ITSN2: variants seen among roughly 807,000 people sequenced by gnomAD.
The protein encoded by ITSN2 is intersectin-2.
In ITSN2, 156 loss-of-function variants were observed where a neutral mutation model predicts 243.7. That is an observed-to-expected ratio of 0.64 (90% CI 0.56 to 0.73). ITSN2 has a LOEUF of 0.73. ITSN2 is among the 30% of genes least tolerant of loss of function. The pLI is 0.00. For synonymous variants in ITSN2, 703 were observed against 699.9 expected (o/e 1.00, Z -0.07); for missense variants, 1,801 against 1,996.1 (o/e 0.90, Z 1.86).
rs1048422565 is a variant in ITSN2, at chr2:24,203,495, G to T, written c.*131C>A. ...TAGCTATTTAGTGTGCAGGAAAACA[G>T]AGCCCCCAGCGTGCATGGCTTTGTG... On this transcript the variant is annotated 3_prime_UTR_variant, in exon 40 of 40. Coordinates refer to ENST00000355123, the MANE Select transcript of ITSN2 (RefSeq NM_006277.3). The T allele has an allele frequency of 4.6e-6, 4 of 869,436 alleles. No individual in the cohort carries two copies. In the African/African-American group the frequency reaches 5.1e-5, roughly 11 times the overall value. 53.9% of individuals were successfully genotyped at this position (869,436 alleles called of 1,614,324 possible).
rs1389362240 is a variant in ITSN2, at chr2:24,271,763, T to TA, written c.2257+2dup. The TA allele has an allele frequency of 1.3e-6, 2 of 1,578,474 alleles. No homozygotes were observed. Among genetic ancestry groups the TA allele is most frequent in the Non-Finnish European group, 1.7e-6 (2 of 1,168,634 alleles). ...TACTGTCTCAAAGTATCCTTATCCT[T>TA]ACGTTTTTTCTCCTCAGCTTTCAAA... On this transcript the variant is annotated splice_region_variant and intron_variant, in intron 19 of 39. Transcript: ENST00000355123.
rs186867296 is a variant in ITSN2 at position 24,225,628 on chromosome 2, C to T, written c.3578-4562G>A. On this transcript the variant is annotated intron_variant, in intron 29 of 39. Coordinates refer to ENST00000355123, the MANE Select transcript of ITSN2 (RefSeq NM_006277.3). This position sits in a 1 kb window ranked among gnomAD's most constrained non-coding sequence, Gnocchi z 4.2. ...CCTGCTGCCTGGCTCTCTGCTCCCC[C>T]CAGTCCAGCAAATGCCAAAATAGGC... Among the ~76,000 whole-genome samples the T allele has an allele frequency of 6.6e-6, 1 of 152,152 alleles. No homozygotes were observed. Among genetic ancestry groups the T allele is most frequent in the Non-Finnish European group, 1.5e-5 (1 of 68,028 alleles).
At position 24,212,674 on chromosome 2, in the gene ITSN2, G is replaced by A; in HGVS notation, c.4065C>T (p.Thr1355=). 6.2e-7 allele frequency: 1 copy of A among 1,613,014 alleles called. No individual in the cohort carries two copies. Among genetic ancestry groups the A allele is most frequent in the Non-Finnish European group, 8.5e-7 (1 of 1,179,606 alleles). Residue 1355 remains threonine, a synonymous_variant, in exon 33 of 40, where the codon ACC becomes ACT. Coordinates refer to ENST00000355123, the MANE Select transcript of ITSN2 (RefSeq NM_006277.3). ...CACTTCTGATGAGCAGTGGGTAGCG[G>A]GTGATCCTCTGCATGGGTTTCAGCA... ...SFLLKPMQRI[T]RYPLLIRSIL...
rs1233625276 is a variant in ITSN2, at chr2:24,209,906, G to A, written c.4385C>T (p.Thr1462Ile). The A allele has an allele frequency of 4.3e-6, 7 of 1,614,064 alleles. No individual in the cohort carries two copies. The highest frequency in any genetic ancestry group is 3.3e-5 in the South Asian group (3 of 91,094). ...AACAGCAAACTGCTTGACCATGTAG[G>A]TAAGAAGCAGGAAGTCATTGAAGAG... Reference protein sequence around the residue: ...GFLFNDFLLLTYMVKQFAVSS... With the variant: ...GFLFNDFLLLIYMVKQFAVSS... The change falls in exon 35 of 40, where the codon ACC (threonine) becomes ATC (isoleucine). Residue 1462 changes from threonine to isoleucine, a missense_variant. Coordinates refer to ENST00000355123, the MANE Select transcript of ITSN2 (RefSeq NM_006277.3).
At chr2:24,284,569 C>A (rs1679223628) in intron 17 of ITSN2, among the ~76,000 whole-genome samples, 194 bp downstream of exon 17, 1 of 152,108 alleles carries the variant, frequency 6.6e-6, no homozygotes. Flanking sequence ...GGCAACCTTA[C>A]TGACTTCTGG....
At position 24,209,176 on chromosome 2, in the gene ITSN2, A is replaced by G. The variant is rs560829326; in HGVS notation, c.4519T>C (p.Ser1507Pro). 4 of 1,614,082 alleles carry G rather than the reference A, an allele frequency of 2.5e-6. No homozygotes were observed. The African/African-American group carries it at 5.3e-5, about 22-fold the overall frequency. The change falls in exon 36 of 40, where the codon TCC becomes CCC. Residue 1507 changes from serine to proline, a missense_variant. Ser to Pro is a moderately conservative substitution (Grantham distance 74). Coordinates refer to ENST00000355123, the MANE Select transcript of ITSN2 (RefSeq NM_006277.3). ...ATGTGGAAGACAGGCTCATCGCTGG[A>G]AGGGTCTGTGGGCAGTTTCACCAAG... ...EVLVKLPTDP[S>P]SDEPVFHISH...
At position 24,330,594 on chromosome 2, in the gene ITSN2, G is replaced by A. The variant is rs555697823; in HGVS notation, c.-33-2479C>T. ...AAAGGGAAAAGCTTATGCTGGCAAG[G>A]AGGGGAATAACCTTGCAGAAAATGG... On this transcript the variant is annotated intron_variant, in intron 1 of 39. Coordinates refer to ENST00000355123, the MANE Select transcript of ITSN2 (RefSeq NM_006277.3). 8.0e-5 allele frequency: 68 copies of A among 853,874 alleles called. 1 individual carries two copies. The South Asian group carries it at 8.8e-4, about 11-fold the overall frequency. The allele number at this position is 853,874 out of a possible 1,614,324, so 52.9% of individuals were successfully genotyped here. A position where few individuals can be genotyped will look rare whatever the true frequency, so the allele number is the denominator to read the frequency against.
intron 15 of ITSN2, among the ~76,000 whole-genome samples, chr2:24,291,393 T>C (rs1034383822): frequency 6.6e-6 from 1 of 152,160 alleles, no homozygotes; most frequent in African/African-American, 2.4e-5. Flanking sequence ...CACCCTAAAG[T>C]GCTGGGATTA....
Position 24,261,666 on chromosome 2 carries a change from T to C in ITSN2, c.2432A>G (p.Asn811Ser), listed in dbSNP as rs374228841. The change falls in exon 21 of 40, where the codon AAT (asparagine) becomes AGT (serine). Residue 811 changes from asparagine to serine, a missense_variant. Transcript: ENST00000355123. The stretch of plus-strand genomic sequence containing the variant: ...ACTTGATGGCATTTTTTCTACATAA[T>C]TGCATGGAAACCAGCCAAAATTTCC... ...FQGNFGWFPC[N>S]YVEKMPSSEN... The C allele has an allele frequency of 1.2e-5, 20 of 1,613,406 alleles. No individual in the cohort carries two copies. Among genetic ancestry groups the C allele is most frequent in the African/African-American group, 2.7e-5 (2 of 74,898 alleles).
Position 24,261,267 on chromosome 2 carries a change from TTGATA to T in ITSN2, c.2538-22_2538-18del, listed in dbSNP as rs1431799053. 12 of 1,579,960 alleles carry T rather than the reference TTGATA, an allele frequency of 7.6e-6. No individual in the cohort carries two copies. The African/African-American group carries it at 1.3e-4, about 18-fold the overall frequency. On this transcript the variant is annotated intron_variant, in intron 21 of 39. Coordinates refer to ENST00000355123, the MANE Select transcript of ITSN2 (RefSeq NM_006277.3). ...GAAAGTGGTCTGCAAATATAACACT[TTGATA>T]TAAGTATATTTATTTGTTTAGAACT...
At chr2:24,236,741 C>T (rs1246152316) in intron 29 of ITSN2, among the ~76,000 whole-genome samples, 1 of 149,858 alleles carries the variant, frequency 6.7e-6, no homozygotes. Flanking sequence ...GTGATCTCAG[C>T]TCACTGCAGC....
chr2:24,203,684 G>A lies in ITSN2; in HGVS notation c.5036C>T (p.Thr1679Ile), dbSNP rs1376367661. The A allele has an allele frequency of 1.9e-6, 3 of 1,614,150 alleles. No homozygotes were observed. Among genetic ancestry groups the A allele is most frequent in the Non-Finnish European group, 2.5e-6 (3 of 1,180,026 alleles). Residue 1679 changes from threonine (T) to isoleucine (I), a missense_variant, in exon 40 of 40, where the codon ACC (threonine) becomes ATC (isoleucine). Thr to Ile is a moderately conservative substitution (Grantham distance 89, BLOSUM62 -1). Coordinates refer to ENST00000355123, the MANE Select transcript of ITSN2 (RefSeq NM_006277.3). Reference sequence around the variant, plus strand: ...GTCAAAACGGACCCAGACCTCCCCGGTGGGGACCTCATGCAGCAGCAGTCG... The same window carrying A: ...GTCAAAACGGACCCAGACCTCCCCGATGGGGACCTCATGCAGCAGCAGTCG... ...TRRLLLHEVP[T>I]GEVWVRFDLQ...
chr2:24,310,412 G>A, intron 6 of ITSN2, 32 bp from the exon 7 acceptor site: 1 of 1,607,818 alleles, frequency 6.2e-7, no homozygotes, highest in Non-Finnish European at 8.5e-7. Context: ...AAGTATGAAA[G>A]AAATTTGTAT....
At chr2:24,206,836 G>C (rs12463916) in intron 37 of ITSN2, among the ~76,000 whole-genome samples, 131,226 of 152,024 alleles carry the variant, frequency 0.86, 58,044 homozygotes, top group Non-Finnish European at 0.95. Context: ...ACAGCGGGGG[G>C]TCCAGGTAGA....
chr2:24,304,485 C>A (rs1682225064), intron 8 of ITSN2, among the ~76,000 whole-genome samples: 1 of 152,122 alleles, frequency 6.6e-6, no homozygotes, highest in Admixed American at 6.5e-5. Context: ...AAAATATTTT[C>A]ATTCTATTTT....
intron 1 of ITSN2, among the ~76,000 whole-genome samples, chr2:24,357,199 T>A (rs1410419275): frequency 2.0e-5 from 3 of 152,170 alleles, no homozygotes; most frequent in East Asian, 3.8e-4. Flanking sequence ...CAGCACTATT[T>A]ACAATAGCAA....
In ITSN2 at chr2:24,258,729, A is replaced by G. The variant is rs559797303; in HGVS notation, c.2683-636T>C. Among the ~76,000 whole-genome samples, 16 of 152,290 alleles carry G rather than the reference A, an allele frequency of 1.1e-4. 1 individual carries two copies. Among genetic ancestry groups the G allele is most frequent in the African/African-American group, 3.6e-4 (15 of 41,566 alleles). ...TCTGAATTCCTTAAATGATAGTCTT[A>G]AACTTTTTTTCCAATTTCACTCCTT... On this transcript the variant is annotated intron_variant, in intron 22 of 39. Transcript: ENST00000355123.
chr2:24,222,627 G>C (rs909145632), intron 29 of ITSN2, among the ~76,000 whole-genome samples: 4 of 140,270 alleles, frequency 2.9e-5, no homozygotes, highest in Non-Finnish European at 6.2e-5. Context: ...ATATGCACCT[G>C]TTGGTATGCA....
intron 1 of ITSN2, among the ~76,000 whole-genome samples, chr2:24,339,993 G>A (rs1686866069): frequency 6.6e-6 from 1 of 152,068 alleles, no homozygotes; most frequent in African/African-American, 2.4e-5. Context: ...CTATGATTAT[G>A]TCACTGCACT....
Sources: allele counts gnomAD v4.1 joint callset (sites outside exome capture counted in the v4.1 genomes callset), GRCh38; gene constraint gnomAD v4.1.1; non-coding constraint Gnocchi (gnomAD v3.1); transcripts MANE v1.5; gene names NCBI Gene and HGNC (gene_info 2026-07-23, HGNC 2026-07-21).